The following KALRN variants were observed in gnomAD, a reference collection of about 807,000 sequenced individuals.
KALRN encodes kalirin RhoGEF kinase, also known as kalirin.
A neutral mutation model predicts 353.7 loss-of-function variants in KALRN; 70 were observed. That is an observed-to-expected ratio of 0.20 (90% CI 0.16 to 0.24). KALRN has a LOEUF of 0.24. KALRN is among the 10% of genes least tolerant of loss of function. The pLI is 1.00. For synonymous variants in KALRN, 1,391 were observed against 1,434.8 expected (o/e 0.97, Z 0.69); for missense variants, 2,791 against 3,756.7 (o/e 0.74, Z 6.72).
In KALRN at chr3:124,399,241, C is replaced by A. The variant is rs575201258; in HGVS notation, c.2346+370C>A. On this transcript the variant is annotated intron_variant, in intron 13 of 59. Coordinates refer to ENST00000682506, the MANE Select transcript of KALRN (RefSeq NM_001388419.1). ...GCAAGCTCCACCTCTCGGGTTCAAGCGATTCTTCTGCCTCAGCCTCCCGAA... is the reference window on the plus strand; with the variant it reads ...GCAAGCTCCACCTCTCGGGTTCAAGAGATTCTTCTGCCTCAGCCTCCCGAA... Among the ~76,000 whole-genome samples, 4 of 152,290 alleles carry A rather than the reference C, an allele frequency of 2.6e-5. No individual in the cohort carries two copies. The South Asian group carries it at 6.2e-4, about 24-fold the overall frequency.
rs2063329923 is a variant in KALRN, at chr3:124,720,333, G to A, written c.*863G>A. ...AATTCAAATACAGTATGAGCTGCGG[G>A]GATATTTTTGTGTCTACACCAGGTT... On this transcript the variant is annotated 3_prime_UTR_variant, in exon 60 of 60. Coordinates refer to ENST00000682506, the MANE Select transcript of KALRN (RefSeq NM_001388419.1). 6.6e-6 allele frequency: 1 copy of A among 152,576 alleles called. No homozygotes were observed. Among genetic ancestry groups the A allele is most frequent in the Admixed American group, 6.5e-5 (1 of 15,276 alleles). The allele number at this position is 152,576 out of a possible 1,614,324, so 9.5% of individuals were successfully genotyped here.
intron 26 of KALRN, among the ~76,000 whole-genome samples, chr3:124,475,565 C>T (rs1020386425): frequency 6.6e-6 from 1 of 152,190 alleles, no homozygotes; most frequent in Non-Finnish European, 1.5e-5. Flanking sequence ...ATAACTTCCA[C>T]CCATAAGGGG....
At chr3:124,377,388 AATTAC>A (rs2086734241) in intron 10 of KALRN, among the ~76,000 whole-genome samples, 1 of 152,174 alleles carries the variant, frequency 6.6e-6, no homozygotes, top group Admixed American at 6.5e-5. Flanking sequence ...TTTCTAATTT[AATTAC>A]ATTATAGTCA....
intron 34 of KALRN, among the ~76,000 whole-genome samples, chr3:124,575,829 A>G (rs2074035813): frequency 6.6e-6 from 1 of 152,224 alleles, no homozygotes; most frequent in South Asian, 2.1e-4. Context: ...TGTCCTCACC[A>G]GAATGATCCA....
chr3:124,057,146 C>T (rs149896547), intron 1 of KALRN, among the ~76,000 whole-genome samples: 114 of 152,226 alleles, frequency 7.5e-4, no homozygotes, highest in African/African-American at 2.5e-3. Context: ...GTGGGGAGGA[C>T]GATCTGCAGA....
intron 44 of KALRN, among the ~76,000 whole-genome samples, 164 bp downstream of exon 44, chr3:124,661,137 G>C (rs1407317299): frequency 6.6e-6 from 1 of 152,194 alleles, no homozygotes; most frequent in African/African-American, 2.4e-5. Flanking sequence ...GGAATGGCAA[G>C]TGTTAACACA....
At chr3:124,643,032 G>C (rs1273898179) in intron 37 of KALRN, among the ~76,000 whole-genome samples, 4 of 151,922 alleles carry the variant, frequency 2.6e-5, no homozygotes, top group African/African-American at 7.3e-5. Context: ...GGTCAGGCTG[G>C]TCTTGAACTC....
At chr3:124,307,801 A>G (rs2149278457) in intron 6 of KALRN, among the ~76,000 whole-genome samples, 1 of 152,160 alleles carries the variant, frequency 6.6e-6, no homozygotes, top group East Asian at 1.9e-4. Flanking sequence ...GGATTCAATA[A>G]TCCAATCAAA....
chr3:124,519,881 T>G (rs2067016034), intron 33 of KALRN: 2 of 985,224 alleles, frequency 2.0e-6, no homozygotes, highest in East Asian at 1.1e-4. Context: ...TTATAAATAC[T>G]TTCTGTTGAG....
At chr3:124,415,950 T>G (rs539795059) in intron 14 of KALRN, among the ~76,000 whole-genome samples, 50 of 152,350 alleles carry the variant, frequency 3.3e-4, no homozygotes, top group Middle Eastern at 6.8e-3. Context: ...ACACAGACTG[T>G]ACCTTATTAG....
intron 52 of KALRN, 78 bp from the exon 53 acceptor site, chr3:124,694,254 G>A (rs2061954657): frequency 5.2e-6 from 7 of 1,341,072 alleles, no homozygotes; most frequent in Non-Finnish European, 6.3e-6. Context: ...GGAAATGAGA[G>A]AGGTGTGTTA....
chr3:124,433,493 G>A (rs1439936177), intron 16 of KALRN, among the ~76,000 whole-genome samples: 2 of 150,066 alleles, frequency 1.3e-5, no homozygotes, highest in African/African-American at 2.4e-5. Flanking sequence ...CTACTTTGGA[G>A]ACTGAGGCAA....
chr3:124,306,669 A>C (rs1424791193), intron 6 of KALRN, among the ~76,000 whole-genome samples: 3 of 152,180 alleles, frequency 2.0e-5, no homozygotes, highest in Non-Finnish European at 2.9e-5. Flanking sequence ...AAGTAGGATA[A>C]ATTCAAGAAG....
chr3:124,594,853 G>A (rs1425410227), intron 34 of KALRN, among the ~76,000 whole-genome samples: 1 of 152,104 alleles, frequency 6.6e-6, no homozygotes, highest in African/African-American at 2.4e-5. Flanking sequence ...TCTTAGTTAT[G>A]AGGTATTGGG....
chr3:124,375,577 A>C (rs1241887166), intron 10 of KALRN, among the ~76,000 whole-genome samples: 3 of 152,166 alleles, frequency 2.0e-5, no homozygotes, highest in African/African-American at 4.8e-5. Flanking sequence ...GTTTTCTGGA[A>C]TCTGGACTGT....
intron 11 of KALRN, among the ~76,000 whole-genome samples, chr3:124,386,599 G>A (rs940775616): frequency 2.6e-5 from 4 of 152,166 alleles, no homozygotes; most frequent in Admixed American, 6.5e-5. Context: ...CTATGTCCCT[G>A]GCCTTGGGTT....
chr3:124,658,217 AGC>A (rs1360054043), intron 41 of KALRN, among the ~76,000 whole-genome samples: 1 of 152,122 alleles, frequency 6.6e-6, no homozygotes, highest in Non-Finnish European at 1.5e-5. Context: ...CTTCTTTCTC[AGC>A]CCTCTCTAAG....
In KALRN at chr3:124,721,147, C is replaced by T. The variant is rs1405113824; in HGVS notation, c.*1677C>T. The T allele has an allele frequency of 6.6e-6, 1 of 152,146 alleles. No individual in the cohort carries two copies. Among genetic ancestry groups the T allele is most frequent in the Non-Finnish European group, 1.5e-5 (1 of 68,032 alleles). The allele number at this position is 152,146 out of a possible 1,614,324, so 9.4% of individuals were successfully genotyped here. A position where few individuals can be genotyped will look rare whatever the true frequency, so the allele number is the denominator to read the frequency against. ...AACATATAAAAAACACTTATTCCCACAGAGAAAATGTAAAATTAAAAATCA... is the reference window on the plus strand; with the variant it reads ...AACATATAAAAAACACTTATTCCCATAGAGAAAATGTAAAATTAAAAATCA... On this transcript the variant is annotated 3_prime_UTR_variant, in exon 60 of 60. Coordinates refer to ENST00000682506, the MANE Select transcript of KALRN (RefSeq NM_001388419.1).
At chr3:124,676,460 C>T (rs1369785033) in intron 49 of KALRN, among the ~76,000 whole-genome samples, 1 of 152,116 alleles carries the variant, frequency 6.6e-6, no homozygotes, top group East Asian at 1.9e-4. Context: ...CACATCAGTC[C>T]CTGGGCTTGC....
Sources: gnomAD v4.1 joint callset for allele counts (sites outside exome capture counted in the v4.1 genomes callset) on GRCh38, gnomAD v4.1.1 for gene constraint, MANE v1.5 for transcripts, NCBI Gene and HGNC (gene_info 2026-07-23, HGNC 2026-07-21) for gene names.